The following BIRC6 variants were observed in gnomAD, a reference collection of about 807,000 sequenced individuals.
BIRC6 encodes the protein baculoviral IAP repeat containing 6, also known as dual E2 ubiquitin-conjugating enzyme/E3 ubiquitin-protein ligase BIRC6.
A neutral mutation model predicts 503.3 loss-of-function variants in BIRC6; 98 were observed. The observed-to-expected ratio is 0.19, with a 90% CI of 0.17 to 0.23. BIRC6 has a LOEUF of 0.23. Ranked by LOEUF, BIRC6 falls within the 10% of genes least tolerant of loss-of-function variation. The pLI, the probability that BIRC6 is intolerant of heterozygous loss-of-function variation, is 1.00. For missense variants in BIRC6, 5,360 were observed against 5,806.0 expected (o/e 0.92, Z 2.50); for synonymous variants, 2,240 against 2,078.7 (o/e 1.08, Z -2.11).
At chr2:32,532,056 T>C (rs1387354349) in intron 61 of BIRC6, 2 of 517,414 alleles carry the variant, frequency 3.9e-6, no homozygotes, top group Admixed American at 3.9e-5. Flanking sequence ...GTAGGAAGTA[T>C]GGTGCATGGA....
intron 21 of BIRC6, among the ~76,000 whole-genome samples, chr2:32,446,162 T>C (rs2045925423): frequency 6.6e-6 from 1 of 152,230 alleles, no homozygotes; most frequent in Admixed American, 6.5e-5. Context: ...GGCCAGAAAT[T>C]ACTCTTTAAC....
At chr2:32,448,384 T>G (rs2046313669) in intron 21 of BIRC6, among the ~76,000 whole-genome samples, 1 of 146,800 alleles carries the variant, frequency 6.8e-6, no homozygotes, top group African/African-American at 2.5e-5. Flanking sequence ...TGAACGAGAC[T>G]CCGTCTGCAA....
chr2:32,617,898 G>A lies in BIRC6; in HGVS notation c.14568G>A (p.Gln4856=), dbSNP rs2063343753. 6.2e-7 allele frequency: 1 copy of A among 1,612,106 alleles called. No individual in the cohort carries two copies. The highest frequency in any genetic ancestry group is 1.1e-5 in the South Asian group (1 of 90,840). ...GCAAAGAACTCCCCAGTGACTTCCA[G>A]TTATGAGCTGCATTGATGTGGACTT... ...SSSKELPSDF[Q]L The change falls in exon 74 of 74, where the codon CAG becomes CAA. Residue 4856 remains glutamine, a synonymous_variant. Coordinates refer to ENST00000421745, the MANE Select transcript of BIRC6 (RefSeq NM_016252.4).
chr2:32,358,598 A>G (rs1296780643), intron 1 of BIRC6, among the ~76,000 whole-genome samples: 1 of 152,258 alleles, frequency 6.6e-6, no homozygotes, highest in Non-Finnish European at 1.5e-5. Context: ...GGAAGTAGTT[A>G]TGTGGTCAAC....
intron 40 of BIRC6, among the ~76,000 whole-genome samples, chr2:32,486,167 G>A (rs999585035): frequency 6.6e-6 from 1 of 152,176 alleles, no homozygotes; most frequent in Non-Finnish European, 1.5e-5. Flanking sequence ...ATATAGTGTA[G>A]GATGACAGCC....
At chr2:32,427,289 A>T (rs990752301) in intron 10 of BIRC6, among the ~76,000 whole-genome samples, 5 of 148,358 alleles carry the variant, frequency 3.4e-5, no homozygotes, top group South Asian at 4.3e-4. Context: ...ATTTTATTTT[A>T]TTTTTTTTTT....
chr2:32,472,606 G>C (rs565758941), intron 32 of BIRC6, among the ~76,000 whole-genome samples: 2 of 152,204 alleles, frequency 1.3e-5, no homozygotes, highest in Non-Finnish European at 2.9e-5. Flanking sequence ...GTGTTATTGG[G>C]CCCAAATTGA....
chr2:32,401,725 C>T lies in BIRC6; in HGVS notation c.1418+102C>T, dbSNP rs537823403. On this transcript the variant is annotated intron_variant, in intron 8 of 73. Transcript: ENST00000421745. ...ATTAAAGAGGAGGAAAAAAAAGTTA[C>T]GCAGTTAAGAGATCAGAGAGTAAAT... The T allele has an allele frequency of 1.6e-4, 165 of 1,038,230 alleles. 1 individual carries two copies. In the African/African-American group the frequency reaches 1.7e-3, roughly 11 times the overall value. 64.3% of individuals were successfully genotyped at this position (1,038,230 alleles called of 1,614,324 possible). A position where few individuals can be genotyped will look rare whatever the true frequency, so the allele number is the denominator to read the frequency against.
At chr2:32,432,560 C>G (rs939913950) in intron 12 of BIRC6, among the ~76,000 whole-genome samples, 5 of 151,654 alleles carry the variant, frequency 3.3e-5, no homozygotes, top group Admixed American at 1.3e-4. Flanking sequence ...TGTTCAAGAC[C>G]CACCTGGGCA....
At chr2:32,444,895 A>G (rs2045795892) in intron 20 of BIRC6, among the ~76,000 whole-genome samples, 2 of 152,242 alleles carry the variant, frequency 1.3e-5, no homozygotes, top group Non-Finnish European at 2.9e-5. Flanking sequence ...TCAGTTGCTC[A>G]TTACGATAGT....
chr2:32,502,671 G>A (rs1037418680), intron 47 of BIRC6, 124 bp from the exon 48 acceptor site: 3 of 616,960 alleles, frequency 4.9e-6, no homozygotes, highest in Non-Finnish European at 7.9e-6. Flanking sequence ...CAGACATTTT[G>A]TATTTAGCGT....
At chr2:32,457,731 G>A (rs889999413) in intron 23 of BIRC6, among the ~76,000 whole-genome samples, 1 of 151,548 alleles carries the variant, frequency 6.6e-6, no homozygotes, top group South Asian at 2.1e-4. Context: ...TGTTTCTTAG[G>A]TCTGAAAAAT....
At chr2:32,514,104 T>C (rs1228480795) in intron 54 of BIRC6, among the ~76,000 whole-genome samples, 2 of 152,134 alleles carry the variant, frequency 1.3e-5, no homozygotes, top group Non-Finnish European at 2.9e-5. Context: ...GAGGATCACT[T>C]GAAACGAGGC....
intron 65 of BIRC6, among the ~76,000 whole-genome samples, chr2:32,570,438 C>T (rs1032019013): frequency 6.6e-6 from 1 of 152,080 alleles, no homozygotes; most frequent in African/African-American, 2.4e-5. Context: ...CTCACCTTGG[C>T]CTCCCAAAGT....
At chr2:32,516,624 A>G (rs1479850036) in intron 55 of BIRC6, among the ~76,000 whole-genome samples, 1 of 151,240 alleles carries the variant, frequency 6.6e-6, no homozygotes, top group Non-Finnish European at 1.5e-5. Context: ...ATAATTTATC[A>G]TATATTATGA....
intron 61 of BIRC6, among the ~76,000 whole-genome samples, chr2:32,535,766 A>C (rs1047243531): frequency 6.6e-6 from 1 of 152,196 alleles, no homozygotes; most frequent in Non-Finnish European, 1.5e-5. Flanking sequence ...CAATAAACAT[A>C]CGTGTGCATG....
At chr2:32,455,792 G>A (rs1463513148) in intron 23 of BIRC6, among the ~76,000 whole-genome samples, 1 of 152,178 alleles carries the variant, frequency 6.6e-6, no homozygotes, top group Non-Finnish European at 1.5e-5. Flanking sequence ...AATGGAACGA[G>A]TTTCTTGTCT....
chr2:32,490,335 GT>G (rs1184956760), intron 43 of BIRC6, among the ~76,000 whole-genome samples, 184 bp downstream of exon 43: 1 of 152,146 alleles, frequency 6.6e-6, no homozygotes, highest in African/African-American at 2.4e-5. Context: ...ATCACTTGAG[GT>G]CAGGAGCTCG....
intron 8 of BIRC6, among the ~76,000 whole-genome samples, chr2:32,404,336 T>G (rs2040948517): frequency 1.3e-5 from 2 of 152,064 alleles, no homozygotes; most frequent in Non-Finnish European, 2.9e-5. Context: ...TTCTTTTTTT[T>G]TGAGAGAGTC....
Sources: allele counts gnomAD v4.1 joint callset (sites outside exome capture counted in the v4.1 genomes callset), GRCh38; gene constraint gnomAD v4.1.1; transcripts MANE v1.5; gene names NCBI Gene and HGNC (gene_info 2026-07-23, HGNC 2026-07-21).